FBN1: variants seen among roughly 807,000 people sequenced by gnomAD.
FBN1 encodes the protein fibrillin 1.
A neutral mutation model predicts 365.1 loss-of-function variants in FBN1; 29 were observed. That is an observed-to-expected ratio of 0.08 (90% CI 0.06 to 0.11). The LOEUF (loss-of-function observed/expected upper bound fraction) is 0.11. Among genes scored for constraint, FBN1 ranks in the 10% least tolerant of loss-of-function variants. FBN1 has a pLI of 1.00. For synonymous variants in FBN1, 1,210 were observed against 1,270.5 expected (o/e 0.95, Z 1.01); for missense variants, 2,476 against 3,703.2 (o/e 0.67, Z 8.60).
chr15:48,575,819 A>T (rs1014644547), intron 6 of FBN1, among the ~76,000 whole-genome samples: 2 of 151,428 alleles, frequency 1.3e-5, no homozygotes, highest in Non-Finnish European at 2.9e-5. Flanking sequence ...ACACACACAC[A>T]CACACACACA....
rs528097149 is a variant in FBN1 at position 48,521,838 on chromosome 15, T to A, written c.989-1021A>T. On this transcript the variant is annotated intron_variant, in intron 9 of 65. Transcript: ENST00000316623. ...TTTGAAAAGCAAATAATATCGTCAA[T>A]ATGCTTGTTATTTAAAGCAGGGGTC... Among the ~76,000 whole-genome samples the A allele has an allele frequency of 4.6e-5, 7 of 152,334 alleles. No homozygotes were observed. The South Asian group carries it at 8.3e-4, about 18-fold the overall frequency.
intron 6 of FBN1, among the ~76,000 whole-genome samples, chr15:48,550,216 G>A (rs919114084): frequency 6.6e-5 from 10 of 152,236 alleles, no homozygotes; most frequent in African/African-American, 2.4e-4. Flanking sequence ...CAGCTGGCCT[G>A]AGCCAGGATG....
At chr15:48,540,389 A>T (rs1306824104) in intron 6 of FBN1, among the ~76,000 whole-genome samples, 1 of 152,144 alleles carries the variant, frequency 6.6e-6, no homozygotes, top group Non-Finnish European at 1.5e-5. Context: ...GATTATACTA[A>T]AAATATACTT....
At chr15:48,625,291 G>A (rs1164216347) in intron 2 of FBN1, among the ~76,000 whole-genome samples, 1 of 152,210 alleles carries the variant, frequency 6.6e-6, no homozygotes, top group Admixed American at 6.5e-5. Context: ...TTGTGGGCTG[G>A]TCTGGGAACC....
chr15:48,592,714 T>C (rs139027032), intron 6 of FBN1, among the ~76,000 whole-genome samples: 1 of 152,152 alleles, frequency 6.6e-6, no homozygotes, highest in East Asian at 1.9e-4. Flanking sequence ...AAAGACACAA[T>C]CTTTGACAGA....
chr15:48,482,499 A>G (rs2043472669), intron 31 of FBN1, among the ~76,000 whole-genome samples: 1 of 152,188 alleles, frequency 6.6e-6, no homozygotes, highest in South Asian at 2.1e-4. Flanking sequence ...GGTGAATCCT[A>G]CAATTGCCCG....
intron 58 of FBN1, among the ~76,000 whole-genome samples, chr15:48,426,998 A>AC (rs2042983831): frequency 6.6e-6 from 1 of 152,172 alleles, no homozygotes; most frequent in Admixed American, 6.5e-5. Flanking sequence ...TGAACTAAAA[A>AC]CCAATTGTAG....
chr15:48,602,834 T>C (rs1037281151), intron 4 of FBN1, among the ~76,000 whole-genome samples: 1 of 152,202 alleles, frequency 6.6e-6, no homozygotes, highest in African/African-American at 2.4e-5. Flanking sequence ...AGGTGTATAG[T>C]TGCTTTAAAT....
intron 52 of FBN1, 108 bp from the exon 53 acceptor site, chr15:48,437,185 T>C: frequency 3.6e-6 from 4 of 1,098,024 alleles, no homozygotes; most frequent in East Asian, 2.4e-5. Flanking sequence ...AATGCAATAA[T>C]ATAATTGCTA....
chr15:48,488,590 C>T, intron 25 of FBN1, 97 bp from the exon 26 acceptor site: 2 of 1,444,892 alleles, frequency 1.4e-6, no homozygotes, highest in Non-Finnish European at 1.9e-6. Flanking sequence ...GTTGGAAGTT[C>T]TTGATTTAAG....
intron 6 of FBN1, among the ~76,000 whole-genome samples, chr15:48,579,170 C>T (rs2044372569): frequency 6.6e-6 from 1 of 152,008 alleles, no homozygotes; most frequent in Admixed American, 6.6e-5. Context: ...GAGATTTCAC[C>T]ACGAGCACTG....
Position 48,410,935 on chromosome 15 carries a change from G to A in FBN1, c.*55C>T, listed in dbSNP as rs1360290864. ...ATGATTCTGATTGGGGGAAAATATA[G>A]TTCTACCTATCTATATTTGTTTTTC... On this transcript the variant is annotated 3_prime_UTR_variant, in exon 66 of 66. Transcript: ENST00000316623. 1.3e-6 allele frequency: 2 copies of A among 1,500,394 alleles called. No homozygotes were observed. The highest frequency in any genetic ancestry group is 2.3e-5 in the East Asian group (1 of 43,818). 92.9% of individuals were successfully genotyped at this position (1,500,394 alleles called of 1,614,324 possible).
intron 4 of FBN1, among the ~76,000 whole-genome samples, chr15:48,605,489 A>T (rs2044599997): frequency 6.6e-6 from 1 of 152,268 alleles, no homozygotes; most frequent in African/African-American, 2.4e-5. Flanking sequence ...AAATGCCTGC[A>T]AATAACATAT....
At chr15:48,621,065 A>C (rs562684017) in intron 2 of FBN1, among the ~76,000 whole-genome samples, 2 of 152,260 alleles carry the variant, frequency 1.3e-5, no homozygotes, top group Non-Finnish European at 2.9e-5. Flanking sequence ...ATTGGATTAC[A>C]ATACCAAGTA....
At chr15:48,470,792 T>C (rs575820167) in intron 35 of FBN1, 36 bp from the exon 36 acceptor site, 2 of 1,604,288 alleles carry the variant, frequency 1.2e-6, no homozygotes, top group Non-Finnish European at 1.7e-6. Context: ...AAAACTTAAC[T>C]TATATTTTTC....
At chr15:48,518,691 G>C (rs1287812482) in intron 10 of FBN1, among the ~76,000 whole-genome samples, 1 of 152,116 alleles carries the variant, frequency 6.6e-6, no homozygotes, top group Non-Finnish European at 1.5e-5. Context: ...GGCTAATTTT[G>C]TTAAGCTGAT....
Position 48,487,161 on chromosome 15 carries a change from T to C in FBN1, c.3503A>G (p.Asn1168Ser), listed in dbSNP as rs776667707. Residue 1168 changes from asparagine to serine, a missense_variant, in exon 29 of 66, where the codon AAT becomes AGT. Physicochemically the swap from Asn to Ser is conservative, Grantham distance 46 (BLOSUM62 1). Coordinates refer to ENST00000316623, the MANE Select transcript of FBN1 (RefSeq NM_000138.5). Reference protein sequence around the residue: ...ECELSAHLCPNGRCVNLIGKY... With the variant: ...ECELSAHLCPSGRCVNLIGKY... ...CCCTATGAGGTTCACGCAACGGCCA[T>C]TGGGGCACAGGTGTGCACTCAGCTC... The C allele has an allele frequency of 8.5e-5, 138 of 1,614,074 alleles. 1 individual carries two copies. The highest frequency in any genetic ancestry group is 1.2e-4 in the Admixed American group (7 of 60,000).
chr15:48,430,095 A>T (rs966014385), intron 56 of FBN1, among the ~76,000 whole-genome samples: 1 of 152,224 alleles, frequency 6.6e-6, no homozygotes, highest in Non-Finnish European at 1.5e-5. Flanking sequence ...TTATTTATAA[A>T]AACACACAGT....
chr15:48,509,708 G>A (rs1181170907), intron 14 of FBN1, among the ~76,000 whole-genome samples: 1 of 151,226 alleles, frequency 6.6e-6, no homozygotes. Flanking sequence ...GATTATAAAC[G>A]GCTAGATAAT....
Sources: allele counts gnomAD v4.1 joint callset (sites outside exome capture counted in the v4.1 genomes callset), GRCh38; gene constraint gnomAD v4.1.1; transcripts MANE v1.5; gene names NCBI Gene and HGNC (gene_info 2026-07-23, HGNC 2026-07-21).